Variants in SH3RF3 observed in about 807,000 individuals in gnomAD.
SH3RF3 encodes the protein E3 ubiquitin-protein ligase SH3RF3.
SH3RF3 carries 29 observed loss-of-function variants against 66.3 expected under a neutral mutation model. The observed-to-expected ratio is 0.44, with a 90% CI of 0.33 to 0.60. SH3RF3 has a LOEUF of 0.60. SH3RF3 is among the 20% of genes least tolerant of loss of function. The pLI is 0.04. For missense variants in SH3RF3, 1,194 were observed against 1,190.9 expected, an observed-to-expected ratio of 1.00 and a Z score of -0.04; for synonymous variants, 583 against 532.0, an observed-to-expected ratio of 1.10 and a Z score of -1.32.
intron 9 of SH3RF3, among the ~76,000 whole-genome samples, chr2:109,491,880 C>T (rs1413393862): frequency 6.6e-6 from 1 of 152,224 alleles, no homozygotes; most frequent in Non-Finnish European, 1.5e-5. Flanking sequence ...GGGAAGGCAG[C>T]CTCTGCCCTG....
intron 5 of SH3RF3, 33 bp downstream of exon 5, chr2:109,419,675 T>TTA: frequency 6.5e-7 from 1 of 1,543,302 alleles, no homozygotes; most frequent in East Asian, 2.4e-5. Flanking sequence ...CGGGGTCCTG[T>TTA]GCCTGCAGCC....
chr2:109,305,127 T>A (rs1352374783), intron 1 of SH3RF3, among the ~76,000 whole-genome samples: 1 of 152,180 alleles, frequency 6.6e-6, no homozygotes, highest in Non-Finnish European at 1.5e-5. Flanking sequence ...TCTGATAATA[T>A]TAATCTCTTA....
chr2:109,370,076 G>A (rs927756795), intron 2 of SH3RF3, among the ~76,000 whole-genome samples: 45 of 152,130 alleles, frequency 3.0e-4, no homozygotes, highest in Non-Finnish European at 5.6e-4. Flanking sequence ...CAGGCCTTGG[G>A]GCGTTCCATG....
intron 5 of SH3RF3, among the ~76,000 whole-genome samples, chr2:109,423,573 C>T (rs566392079): frequency 2.7e-3 from 418 of 152,254 alleles, no homozygotes; most frequent in African/African-American, 9.8e-3. Flanking sequence ...ACTGGATCAG[C>T]GTGAGTTCAA....
In SH3RF3 at chr2:109,450,740, G is replaced by C. The variant is rs1214371647; in HGVS notation, c.2148+1251G>C. 3.9e-5 allele frequency among the ~76,000 whole-genome samples: 6 copies of C among 152,294 alleles called. No individual in the cohort carries two copies. In the East Asian group the frequency reaches 1.2e-3, roughly 29 times the overall value. On this transcript the variant is annotated intron_variant, in intron 8 of 9. Transcript: ENST00000309415. ...CTCCAGGGCTCAGGGCCCATGCACT[G>C]CCTGAGGCTGTATCCCTAGGGCGTT...
intron 1 of SH3RF3, among the ~76,000 whole-genome samples, chr2:109,241,913 C>A (rs1272761905): frequency 1.3e-5 from 2 of 151,898 alleles, no homozygotes; most frequent in Admixed American, 1.3e-4. Flanking sequence ...CTACAGGGGC[C>A]CACCACCTCT....
At chr2:109,413,045 C>T (rs1376623484) in intron 4 of SH3RF3, among the ~76,000 whole-genome samples, 1 of 152,186 alleles carries the variant, frequency 6.6e-6, no homozygotes, top group Non-Finnish European at 1.5e-5. Flanking sequence ...GCAGGTTTTT[C>T]GTATCATAAA....
intron 3 of SH3RF3, among the ~76,000 whole-genome samples, chr2:109,380,954 A>G (rs1038317475): frequency 6.6e-6 from 1 of 152,246 alleles, no homozygotes; most frequent in African/African-American, 2.4e-5. Context: ...ATGCATGTAG[A>G]CCAGCAGGAG....
At chr2:109,293,901 C>A (rs140114890) in intron 1 of SH3RF3, among the ~76,000 whole-genome samples, 19 of 152,292 alleles carry the variant, frequency 1.2e-4, no homozygotes, top group African/African-American at 4.6e-4. Context: ...GGCTTGTTGC[C>A]GAGTAGCCCT....
chr2:109,359,869 C>A (rs561403545), intron 2 of SH3RF3, among the ~76,000 whole-genome samples: 2 of 152,106 alleles, frequency 1.3e-5, no homozygotes, highest in Non-Finnish European at 1.5e-5. Flanking sequence ...CATAAAGGGT[C>A]ATAAAATGGC....
chr2:109,245,127 C>T (rs1023612767), intron 1 of SH3RF3, among the ~76,000 whole-genome samples: 5 of 152,170 alleles, frequency 3.3e-5, no homozygotes, highest in Non-Finnish European at 5.9e-5. Flanking sequence ...AGAGCCCCTC[C>T]ACCATCTCAC....
intron 1 of SH3RF3, among the ~76,000 whole-genome samples, chr2:109,137,235 CT>C (rs1247284389): frequency 6.6e-6 from 1 of 152,212 alleles, no homozygotes; most frequent in East Asian, 1.9e-4. Flanking sequence ...GTTCTCACCT[CT>C]TTTTGTTTAT....
At chr2:109,315,436 A>AGC (rs1372706080) in intron 1 of SH3RF3, among the ~76,000 whole-genome samples, 2 of 152,250 alleles carry the variant, frequency 1.3e-5, no homozygotes, top group African/African-American at 4.8e-5. Flanking sequence ...GTTGCAGGGA[A>AGC]GCAATAGCTT....
intron 1 of SH3RF3, among the ~76,000 whole-genome samples, chr2:109,292,863 G>C (rs1681220567): frequency 6.6e-6 from 1 of 152,148 alleles, no homozygotes; most frequent in Non-Finnish European, 1.5e-5. Flanking sequence ...CTCCCCAGTA[G>C]TTGGGATTAC....
At chr2:109,331,118 G>T (rs1038164312) in intron 1 of SH3RF3, among the ~76,000 whole-genome samples, 2 of 152,190 alleles carry the variant, frequency 1.3e-5, no homozygotes, top group African/African-American at 4.8e-5. Flanking sequence ...AGATGGCCAG[G>T]AGATAAACTC....
chr2:109,487,479 G>C (rs765999370), intron 8 of SH3RF3, among the ~76,000 whole-genome samples: 1 of 152,226 alleles, frequency 6.6e-6, no homozygotes, highest in Admixed American at 6.5e-5. Context: ...GAAGGCGGAC[G>C]TTTTGGAGAG....
chr2:109,143,094 G>A (rs577091147), intron 1 of SH3RF3, among the ~76,000 whole-genome samples: 27 of 152,262 alleles, frequency 1.8e-4, no homozygotes, highest in African/African-American at 6.3e-4. Flanking sequence ...TGGGGGGCCT[G>A]CCATGATGGC....
At chr2:109,170,157 A>G (rs569327686) in intron 1 of SH3RF3, among the ~76,000 whole-genome samples, 278 of 152,070 alleles carry the variant, frequency 1.8e-3, no homozygotes, top group African/African-American at 5.8e-3. Context: ...TACCCCTAAT[A>G]CCATCGTCGG....
At chr2:109,158,869 C>A (rs1371251646) in intron 1 of SH3RF3, among the ~76,000 whole-genome samples, 1 of 152,176 alleles carries the variant, frequency 6.6e-6, no homozygotes, top group East Asian at 1.9e-4. Context: ...ACAAGCCAGC[C>A]AGCTGTGAAG....
Sources: gnomAD v4.1 joint callset for allele counts (sites outside exome capture counted in the v4.1 genomes callset) on GRCh38, gnomAD v4.1.1 for gene constraint, MANE v1.5 for transcripts, NCBI Gene and HGNC (gene_info 2026-07-23, HGNC 2026-07-21) for gene names.